KIF5B: variants seen among roughly 807,000 people sequenced by gnomAD.
The protein encoded by KIF5B is kinesin-1 heavy chain.
Under a neutral mutation model 132.8 loss-of-function variants are expected in KIF5B, and 49 were observed. That is an observed-to-expected ratio of 0.37 (90% CI 0.29 to 0.47). The LOEUF is 0.47. Ranked by LOEUF, KIF5B falls within the 20% of genes least tolerant of loss-of-function variation. The pLI is 1.00. For synonymous variants in KIF5B, 355 were observed against 369.4 expected (o/e 0.96, Z 0.45); for missense variants, 780 against 1,144.0 (o/e 0.68, Z 4.59).
intron 6 of KIF5B, 56 bp from the exon 7 acceptor site, chr10:32,037,663 T>C (rs1235425747): frequency 7.4e-7 from 1 of 1,353,848 alleles, no homozygotes; most frequent in Non-Finnish European, 1.0e-6. Flanking sequence ...TGAAACCCTT[T>C]CTCTAATAAA....
intron 13 of KIF5B, among the ~76,000 whole-genome samples, chr10:32,032,172 G>A (rs1336969538): frequency 2.0e-5 from 3 of 151,984 alleles, no homozygotes; most frequent in East Asian, 1.9e-4. Context: ...TTTAGGAGTA[G>A]GGACCAGGAA....
intron 14 of KIF5B, 37 bp from the exon 15 acceptor site, chr10:32,028,608 A>G (rs1167205844): frequency 1.3e-6 from 2 of 1,558,648 alleles, no homozygotes; most frequent in African/African-American, 1.4e-5. Flanking sequence ...AGTTAAATCT[A>G]CTACATGAAA....
At chr10:32,022,783 T>C (rs987514564) in intron 16 of KIF5B, 65 bp downstream of exon 16, 72 of 1,208,406 alleles carry the variant, frequency 6.0e-5, no homozygotes, top group Middle Eastern at 4.5e-4. Context: ...TGAAAACTTG[T>C]ATAATAAATA....
Position 32,055,985 on chromosome 10 carries a change from C to T in KIF5B, c.-12G>A, listed in dbSNP as rs1042743556. ...GCCAGGTCCGCCATCTTTCTCGCAG[C>T]CGGGGCCGGCGGCCGGGAGCCACTC... On this transcript the variant is annotated 5_prime_UTR_variant, in exon 1 of 26. Coordinates refer to ENST00000302418, the MANE Select transcript of KIF5B (RefSeq NM_004521.3). 5 of 1,601,080 alleles carry T rather than the reference C, an allele frequency of 3.1e-6. No homozygotes were observed. In the South Asian group the frequency reaches 3.3e-5, roughly 11 times the overall value.
chr10:32,013,864 T>C (rs1841118974), intron 25 of KIF5B, among the ~76,000 whole-genome samples: 1 of 152,206 alleles, frequency 6.6e-6, no homozygotes, highest in African/African-American at 2.4e-5. Context: ...GTCCCTGTTC[T>C]TTTCACTCTA....
chr10:32,022,115 ACT>A (rs1353024524), intron 17 of KIF5B, 23 bp downstream of exon 17: 2 of 1,096,108 alleles, frequency 1.8e-6, no homozygotes, highest in African/African-American at 3.2e-5. Context: ...CACAGATGTA[ACT>A]CATAAACAGT....
intron 1 of KIF5B, 100 bp downstream of exon 1, chr10:32,055,748 C>G (rs560180801): frequency 2.0e-6 from 3 of 1,470,530 alleles, no homozygotes; most frequent in Admixed American, 4.1e-5. Context: ...CTGGGGACAC[C>G]GCCGCTCCCT....
At chr10:32,045,536 G>A (rs889258002) in intron 2 of KIF5B, among the ~76,000 whole-genome samples, 14 of 152,304 alleles carry the variant, frequency 9.2e-5, no homozygotes, top group African/African-American at 3.4e-4. Context: ...TACTAAGGAG[G>A]ATTACGTTCC....
chr10:32,043,069 C>T (rs1460613745), intron 2 of KIF5B, among the ~76,000 whole-genome samples: 1 of 152,046 alleles, frequency 6.6e-6, no homozygotes, highest in African/African-American at 2.4e-5. Flanking sequence ...CTCACTGCAA[C>T]CTCGGCTCAC....
chr10:32,009,458 C>T lies in KIF5B; in HGVS notation c.*2079G>A, dbSNP rs1841040257. ...ACCTACCATAGCAAAAAGCAGTTCA[C>T]TGAAAACAAATTTATGAAATTCTTG... On this transcript the variant is annotated 3_prime_UTR_variant, in exon 26 of 26. Transcript: ENST00000302418. 1 of 152,084 alleles carries T rather than the reference C, an allele frequency of 6.6e-6. No individual in the cohort carries two copies. The highest frequency in any genetic ancestry group is 2.1e-4 in the South Asian group (1 of 4,830). 9.4% of individuals were successfully genotyped at this position (152,084 alleles called of 1,614,324 possible). A position where few individuals can be genotyped will look rare whatever the true frequency, so the allele number is the denominator to read the frequency against.
rs1841057853 is a variant in KIF5B at position 32,010,254 on chromosome 10, T to C, written c.*1283A>G. The C allele has an allele frequency of 6.6e-6, 1 of 152,194 alleles. No homozygotes were observed. Among genetic ancestry groups the C allele is most frequent in the South Asian group, 2.1e-4 (1 of 4,834 alleles). The allele number at this position is 152,194 out of a possible 1,614,324, so 9.4% of individuals were successfully genotyped here. On this transcript the variant is annotated 3_prime_UTR_variant, in exon 26 of 26. Transcript: ENST00000302418. ...AGTGAAATCTCTTTCCCTATTACTT[T>C]TACAGTTTCCTAAAATAAGCTGTTG... is the stretch of plus-strand genomic sequence containing the variant.
At chr10:32,024,617 T>C (rs1455000476) in intron 15 of KIF5B, among the ~76,000 whole-genome samples, 1 of 150,354 alleles carries the variant, frequency 6.7e-6, no homozygotes, top group Non-Finnish European at 1.5e-5. Context: ...TACAAAAAAT[T>C]AGCCAGGTGT....
chr10:32,015,678 A>T lies in KIF5B; in HGVS notation c.2762-19T>A, dbSNP rs748505646. On this transcript the variant is annotated intron_variant, in intron 24 of 25. Transcript: ENST00000302418. ...GGTTTAGCTAATATGAAAAATAAAG[A>T]CAGACTTTAGAATAAAGTTTAAGAT... is the stretch of plus-strand genomic sequence containing the variant. 8.1e-6 allele frequency: 13 copies of T among 1,595,230 alleles called. No homozygotes were observed. Among genetic ancestry groups the T allele is most frequent in the Non-Finnish European group, 1.1e-5 (13 of 1,170,046 alleles).
intron 25 of KIF5B, among the ~76,000 whole-genome samples, chr10:32,013,922 T>C (rs1004519891): frequency 3.3e-5 from 5 of 152,242 alleles, no homozygotes; most frequent in African/African-American, 1.2e-4. Context: ...TTAAAATTGC[T>C]AGAAATGTGA....
At position 32,038,683 on chromosome 10, in the gene KIF5B, A is replaced by AT. The variant is rs1178808677; in HGVS notation, c.442+94dup. ...TGTCTATTTCCAATAACTTAAGACA[A>AT]TTTCATATAGGTTACAAAGAAATAG... On this transcript the variant is annotated intron_variant, in intron 5 of 25. Coordinates refer to ENST00000302418, the MANE Select transcript of KIF5B (RefSeq NM_004521.3). 2.3e-5 allele frequency: 18 copies of AT among 796,766 alleles called. No homozygotes were observed. In the African/African-American group the frequency reaches 2.7e-4, roughly 12 times the overall value. 49.4% of individuals were successfully genotyped at this position (796,766 alleles called of 1,614,324 possible).
intron 1 of KIF5B, among the ~76,000 whole-genome samples, chr10:32,052,636 TTTTCTGGTG>T (rs1412117719): frequency 6.6e-6 from 1 of 152,232 alleles, no homozygotes; most frequent in Non-Finnish European, 1.5e-5. Flanking sequence ...CTACTGATTT[TTTTCTGGTG>T]TTTCCAGCAA....
chr10:32,035,699 C>G (rs775697820), intron 9 of KIF5B, 32 bp from the exon 10 acceptor site: 1 of 1,571,258 alleles, frequency 6.4e-7, no homozygotes, highest in South Asian at 1.2e-5. Context: ...GAAAACAAGA[C>G]CAGTATAATA....
chr10:32,045,816 G>C (rs1192927709), intron 2 of KIF5B, among the ~76,000 whole-genome samples: 1 of 152,066 alleles, frequency 6.6e-6, no homozygotes, highest in African/African-American at 2.4e-5. Context: ...TCATTTTCTT[G>C]TGAGTATGTT....
intron 15 of KIF5B, among the ~76,000 whole-genome samples, chr10:32,027,415 G>A (rs1841347018): frequency 6.6e-6 from 1 of 151,950 alleles, no homozygotes; most frequent in Admixed American, 6.6e-5. Flanking sequence ...GGACAAAGAG[G>A]TATAAAGAAA....
Sources: gnomAD v4.1 joint callset for allele counts (sites outside exome capture counted in the v4.1 genomes callset) on GRCh38, gnomAD v4.1.1 for gene constraint, MANE v1.5 for transcripts, NCBI Gene and HGNC (gene_info 2026-07-23, HGNC 2026-07-21) for gene names.